SLC35F3: variants seen among roughly 807,000 people sequenced by gnomAD.
SLC35F3 encodes the protein solute carrier family 35 member F3, also known as putative thiamine transporter SLC35F3.
In SLC35F3, 25 loss-of-function variants were observed where a neutral mutation model predicts 49.9. The ratio of observed to expected loss-of-function variants is 0.50; its 90% CI spans 0.37 to 0.70. The LOEUF (loss-of-function observed/expected upper bound fraction) is 0.70. SLC35F3 is among the 30% of genes least tolerant of loss of function. The pLI, the probability that SLC35F3 is intolerant of heterozygous loss-of-function variation, is 0.00. For synonymous variants in SLC35F3, 275 were observed against 265.4 expected (o/e 1.04, Z -0.35); for missense variants, 525 against 639.8 (o/e 0.82, Z 1.94).
intron 2 of SLC35F3, among the ~76,000 whole-genome samples, chr1:234,054,062 G>T (rs1388176815): frequency 3.9e-5 from 6 of 152,076 alleles, no homozygotes; most frequent in Non-Finnish European, 8.8e-5. Flanking sequence ...TTTCTCTCTG[G>T]CACCCTTAAC....
At chr1:234,018,519 A>G (rs1188107226) in intron 2 of SLC35F3, among the ~76,000 whole-genome samples, 3 of 152,186 alleles carry the variant, frequency 2.0e-5, no homozygotes, top group African/African-American at 7.2e-5. Context: ...TAGCATGTGC[A>G]AGAGCCTAGC....
chr1:234,065,408 A>G (rs111989084), intron 2 of SLC35F3, among the ~76,000 whole-genome samples: 1 of 152,056 alleles, frequency 6.6e-6, no homozygotes, highest in Non-Finnish European at 1.5e-5. Context: ...CAGCCTCCCA[A>G]AGTGCTGGTA....
intron 2 of SLC35F3, among the ~76,000 whole-genome samples, chr1:234,172,880 T>C (rs1666419597): frequency 6.6e-6 from 1 of 152,202 alleles, no homozygotes; most frequent in South Asian, 2.1e-4. Flanking sequence ...CACTATGCAG[T>C]GCGTGGCTGT....
At chr1:234,284,406 C>T (rs926713687) in intron 3 of SLC35F3, among the ~76,000 whole-genome samples, 2 of 152,206 alleles carry the variant, frequency 1.3e-5, no homozygotes, top group African/African-American at 2.4e-5. Context: ...CCTCCACCTA[C>T]TCCTGCTCAT....
chr1:233,995,209 A>G (rs1018407634), intron 2 of SLC35F3, among the ~76,000 whole-genome samples: 2 of 152,216 alleles, frequency 1.3e-5, no homozygotes, highest in Non-Finnish European at 2.9e-5. Flanking sequence ...TGTGTAAAAC[A>G]TATCCTTGAT....
intron 2 of SLC35F3, among the ~76,000 whole-genome samples, chr1:233,990,234 G>A (rs943788345): frequency 2.6e-5 from 4 of 151,942 alleles, no homozygotes; most frequent in Admixed American, 6.6e-5. Flanking sequence ...CATAATTTAC[G>A]TAAAAGTGAC....
At chr1:234,249,870 G>T (rs1572115073) in intron 3 of SLC35F3, among the ~76,000 whole-genome samples, 1 of 152,342 alleles carries the variant, frequency 6.6e-6, no homozygotes, top group East Asian at 1.9e-4. Flanking sequence ...TGTTAGTAAT[G>T]CACCATGTTA....
intron 2 of SLC35F3, among the ~76,000 whole-genome samples, chr1:234,072,938 A>AT (rs1236995821): frequency 1.3e-5 from 2 of 152,168 alleles, no homozygotes; most frequent in Non-Finnish European, 2.9e-5. Context: ...TGGTTGTTAT[A>AT]TGGCAAAGCA....
intron 2 of SLC35F3, among the ~76,000 whole-genome samples, chr1:234,041,960 A>G (rs776791201): frequency 5.3e-5 from 8 of 152,174 alleles, no homozygotes; most frequent in Non-Finnish European, 1.0e-4. Flanking sequence ...CACCATCTTT[A>G]TGCACGTGCA....
rs1667087824 is a variant in SLC35F3, at chr1:234,214,331, A to T, written c.284-17086A>T. 1 of 1,309,630 alleles carries T rather than the reference A, an allele frequency of 7.6e-7. No homozygotes were observed. The highest frequency in any genetic ancestry group is 9.7e-7 in the Non-Finnish European group (1 of 1,032,094). 81.1% of individuals were successfully genotyped at this position (1,309,630 alleles called of 1,614,324 possible). A position where few individuals can be genotyped will look rare whatever the true frequency, so the allele number is the denominator to read the frequency against. ...GGCCGCCGCAGTGAGCAACGCGGCA[A>T]CCGGAGCCCGGCGGGCAGCCGGGGA... On this transcript the variant is annotated intron_variant, in intron 2 of 7. Coordinates refer to ENST00000366618, the MANE Select transcript of SLC35F3 (RefSeq NM_173508.4). The surrounding 1 kb of genome is among the most constrained non-coding windows in gnomAD (Gnocchi z 8.0).
intron 2 of SLC35F3, among the ~76,000 whole-genome samples, chr1:234,011,515 A>G (rs1168070669): frequency 2.0e-5 from 3 of 152,216 alleles, no homozygotes; most frequent in Non-Finnish European, 4.4e-5. Context: ...GTGGGAACCA[A>G]CTGTGAACAG....
At chr1:233,977,727 C>T (rs1459358977) in intron 2 of SLC35F3, among the ~76,000 whole-genome samples, 1 of 152,216 alleles carries the variant, frequency 6.6e-6, no homozygotes, top group Non-Finnish European at 1.5e-5. Context: ...AAGCCCTCAA[C>T]AGCAGTTCAG....
chr1:234,268,183 C>G (rs1236895669), intron 3 of SLC35F3, among the ~76,000 whole-genome samples: 10 of 152,136 alleles, frequency 6.6e-5, no homozygotes, highest in Admixed American at 1.3e-4. Flanking sequence ...CTGAGTGAAC[C>G]AGACTCCGTC....
At chr1:234,030,416 C>T (rs2102847799) in intron 2 of SLC35F3, among the ~76,000 whole-genome samples, 1 of 152,280 alleles carries the variant, frequency 6.6e-6, no homozygotes, top group African/African-American at 2.4e-5. Flanking sequence ...ACTGTCCTGG[C>T]TCTGAGTCTA....
intron 2 of SLC35F3, among the ~76,000 whole-genome samples, chr1:234,041,082 G>A (rs576832918): frequency 2.4e-4 from 36 of 152,288 alleles, no homozygotes; most frequent in African/African-American, 7.7e-4. Context: ...GCACAGTAAT[G>A]TAAAATCTCC....
chr1:234,214,640 G>C lies in SLC35F3; in HGVS notation c.284-16777G>C. 1 of 1,488,634 alleles carries C rather than the reference G, an allele frequency of 6.7e-7. No individual in the cohort carries two copies. Among genetic ancestry groups the C allele is most frequent in the East Asian group, 2.9e-5 (1 of 34,828 alleles). The allele number at this position is 1,488,634 out of a possible 1,614,324, so 92.2% of individuals were successfully genotyped here. A position where few individuals can be genotyped will look rare whatever the true frequency, so the allele number is the denominator to read the frequency against. ...AGCCGGGGAATGCTGCCACCCTGAG[G>C]GGGGCTGTCTGGCTGCGGGGCGCCG... On this transcript the variant is annotated intron_variant, in intron 2 of 7. Transcript: ENST00000366618. This position sits in a 1 kb window ranked among gnomAD's most constrained non-coding sequence, Gnocchi z 8.0.
intron 3 of SLC35F3, among the ~76,000 whole-genome samples, chr1:234,263,190 T>C (rs1457434419): frequency 1.3e-5 from 2 of 152,248 alleles, no homozygotes; most frequent in African/African-American, 4.8e-5. Context: ...AGGGAGAGAC[T>C]AACAGAAGCA....
intron 2 of SLC35F3, among the ~76,000 whole-genome samples, chr1:233,925,669 G>A (rs7545611): frequency 0.013 from 1,956 of 152,270 alleles, 47 homozygotes; most frequent in African/African-American, 0.043. Context: ...ATTTGATCCT[G>A]TCATTATGAT....
In SLC35F3 at chr1:233,905,144, C is replaced by A; in HGVS notation, c.53+14C>A. 6.4e-7 allele frequency: 1 copy of A among 1,552,348 alleles called. No individual in the cohort carries two copies. The highest frequency in any genetic ancestry group is 2.4e-5 in the East Asian group (1 of 41,282). ...GAGCATTGCCGTGTGAGTAGCGCCC[C>A]GGGCGTGGGTGAGCGAGCCGGCGGG... On this transcript the variant is annotated intron_variant, in intron 1 of 7. Transcript: ENST00000366618.
Sources: allele counts gnomAD v4.1 joint callset (sites outside exome capture counted in the v4.1 genomes callset), GRCh38; gene constraint gnomAD v4.1.1; non-coding constraint Gnocchi (gnomAD v3.1); transcripts MANE v1.5; gene names NCBI Gene and HGNC (gene_info 2026-07-23, HGNC 2026-07-21).